MMD2: variants seen among roughly 807,000 people sequenced by gnomAD.
The protein encoded by MMD2 is monocyte to macrophage differentiation factor 2.
A neutral mutation model predicts 33.5 loss-of-function variants in MMD2; 30 were observed. The observed-to-expected ratio is 0.90, with a 90% CI of 0.67 to 1.22. MMD2 has a LOEUF of 1.22. Ranked by LOEUF, MMD2 falls within the 50% of genes most tolerant of loss-of-function variation. The pLI, the probability that MMD2 is intolerant of heterozygous loss-of-function variation, is 0.00. For missense variants in MMD2, 364 were observed against 325.4 expected (o/e 1.12, Z -0.91); for synonymous variants, 129 against 123.0 (o/e 1.05, Z -0.32).
intron 1 of MMD2, among the ~76,000 whole-genome samples, chr7:4,953,683 C>T (rs1301891267): frequency 6.6e-6 from 1 of 151,894 alleles, no homozygotes; most frequent in Non-Finnish European, 1.5e-5. Flanking sequence ...GTTGGTCAGG[C>T]TGGTCTCGAA....
intron 2 of MMD2, among the ~76,000 whole-genome samples, chr7:4,920,625 CT>C (rs1176849554): frequency 6.9e-4 from 102 of 147,086 alleles, no homozygotes; most frequent in Middle Eastern, 3.6e-3. Flanking sequence ...CTTTCCTTTC[CT>C]TTTTTTCTTT....
At chr7:4,897,886 C>T in the MMD2 span, among the ~76,000 whole-genome samples, 1 of 152,020 alleles carries the variant, frequency 6.6e-6, no homozygotes, top group Non-Finnish European at 1.5e-5. Context: ...TACAGGTGCC[C>T]ACCACCATGC....
intron 4 of MMD2, 62 bp from the exon 5 acceptor site, chr7:4,911,308 A>G: frequency 7.3e-7 from 1 of 1,367,498 alleles, no homozygotes; most frequent in Non-Finnish European, 1.0e-6. Context: ...CCGGCCCTCG[A>G]GGACCGGCCT....
chr7:4,897,799 G>T, the MMD2 span, among the ~76,000 whole-genome samples: 1 of 152,102 alleles, frequency 6.6e-6, no homozygotes, highest in Non-Finnish European at 1.5e-5. Flanking sequence ...GTACAATGGT[G>T]TGATCTCGGC....
rs967114558 is a variant in MMD2, at chr7:4,958,883, G to A, written c.47+88C>T. The A allele has an allele frequency of 7.5e-5, 87 of 1,154,606 alleles. 1 individual carries two copies. Among genetic ancestry groups the A allele is most frequent in the Non-Finnish European group, 8.6e-5 (78 of 901,892 alleles). 71.5% of individuals were successfully genotyped at this position (1,154,606 alleles called of 1,614,324 possible). A position where few individuals can be genotyped will look rare whatever the true frequency, so the allele number is the denominator to read the frequency against. ...GATCCCCTCTAGCGCTCCGGGCGGC[G>A]GGGCCCGAGAACCAAGGTGGCCTCC... On this transcript the variant is annotated intron_variant, in intron 1 of 6. Coordinates refer to ENST00000401401, the MANE Select transcript of MMD2 (RefSeq NM_198403.4).
At chr7:4,945,197 C>CTTCTTCTTCTTCTTCTTCTT (rs1327859228) in intron 1 of MMD2, among the ~76,000 whole-genome samples, 4 of 134,978 alleles carry the variant, frequency 3.0e-5, no homozygotes, top group Non-Finnish European at 6.3e-5. Flanking sequence ...TCTTCTTCTT[C>CTTCTTCTTCTTCTTCTTCTT]TTCTTCTTCT....
rs765406712 is a variant in MMD2 at position 4,907,509 on chromosome 7, A to G, written c.628T>C (p.Phe210Leu). 6.2e-7 allele frequency: 1 copy of G among 1,613,926 alleles called. No individual in the cohort carries two copies. Among genetic ancestry groups the G allele is most frequent in the Admixed American group, 1.7e-5 (1 of 60,028 alleles). The change falls in exon 7 of 7, where the codon TTT becomes CTT. Residue 210 changes from phenylalanine (F) to leucine (L), a missense_variant. Transcript: ENST00000401401. ...VFFKSDGRIP[F>L]AHAIWHLFVA... is the part of the protein sequence containing the mutation. Reference sequence around the variant, plus strand: ...AAGAGATGCCAGATGGCGTGGGCAAAGGGGATCCTCCCGTCACTCTTGAAG... The same window carrying G: ...AAGAGATGCCAGATGGCGTGGGCAAGGGGGATCCTCCCGTCACTCTTGAAG...
chr7:4,930,466 C>G (rs1562486308), intron 1 of MMD2, among the ~76,000 whole-genome samples: 1 of 151,282 alleles, frequency 6.6e-6, no homozygotes, highest in Non-Finnish European at 1.5e-5. Flanking sequence ...ACGGCAATAC[C>G]CCATCTCTAC....
At chr7:4,926,655 G>T (rs1285749135) in intron 1 of MMD2, among the ~76,000 whole-genome samples, 1 of 152,124 alleles carries the variant, frequency 6.6e-6, no homozygotes, top group Non-Finnish European at 1.5e-5. Context: ...CGCAGAACAC[G>T]CTGTTTTCTG....
the MMD2 span, among the ~76,000 whole-genome samples, chr7:4,892,267 T>G: frequency 1.3e-5 from 2 of 152,186 alleles, no homozygotes; most frequent in Admixed American, 1.3e-4. Context: ...AAACAATTTT[T>G]ATTTGTGAAT....
intron 1 of MMD2, 138 bp downstream of exon 1, chr7:4,958,833 C>T (rs891074565): frequency 3.6e-5 from 27 of 744,216 alleles, no homozygotes; most frequent in Non-Finnish European, 4.3e-5. Context: ...TCCTGGTTTT[C>T]TCGGGCGGGG....
At position 4,947,764 on chromosome 7, in the gene MMD2, A is replaced by G. The variant is rs185658937; in HGVS notation, c.47+11207T>C. On this transcript the variant is annotated intron_variant, in intron 1 of 6. Coordinates refer to ENST00000401401, the MANE Select transcript of MMD2 (RefSeq NM_198403.4). ...GCCCAGGCTGGAGCACAGTGGTGCG[A>G]TATCAGCTCACTGCAAACTCCACCT... is the stretch of plus-strand genomic sequence containing the variant. Among the ~76,000 whole-genome samples the G allele has an allele frequency of 5.3e-5, 7 of 131,356 alleles. No individual in the cohort carries two copies. The East Asian group carries it at 1.6e-3, about 29-fold the overall frequency. 86.2% of individuals were successfully genotyped at this position (131,356 alleles called of 152,430 possible).
chr7:4,935,785 T>C (rs1785725089), intron 1 of MMD2, among the ~76,000 whole-genome samples: 1 of 152,094 alleles, frequency 6.6e-6, no homozygotes, highest in Non-Finnish European at 1.5e-5. Flanking sequence ...CTTTGGACCC[T>C]GTACTTGAAT....
the MMD2 span, among the ~76,000 whole-genome samples, chr7:4,897,061 T>A: frequency 2.0e-5 from 3 of 151,884 alleles, no homozygotes; most frequent in African/African-American, 7.3e-5. Flanking sequence ...GGTTTCGCCA[T>A]GTTGACTGAG....
At chr7:4,934,670 G>C (rs1000709864) in intron 1 of MMD2, among the ~76,000 whole-genome samples, 1 of 152,202 alleles carries the variant, frequency 6.6e-6, no homozygotes, top group Non-Finnish European at 1.5e-5. Flanking sequence ...ACTGAGCCAG[G>C]ACCCAGAGCC....
intron 3 of MMD2, among the ~76,000 whole-genome samples, chr7:4,918,383 T>C (rs192463277): frequency 6.3e-4 from 96 of 152,224 alleles, no homozygotes; most frequent in Non-Finnish European, 8.8e-4. Flanking sequence ...GGCATATAGC[T>C]TTATGGGGGG....
At chr7:4,926,492 A>T (rs914501579) in intron 1 of MMD2, among the ~76,000 whole-genome samples, 9 of 152,078 alleles carry the variant, frequency 5.9e-5, no homozygotes, top group Admixed American at 5.3e-4. Flanking sequence ...AGACCCACTA[A>T]ACCACCATCC....
chr7:4,906,423 A>T lies in MMD2; in HGVS notation c.*973T>A. 2.5e-6 allele frequency: 1 copy of T among 398,626 alleles called. No individual in the cohort carries two copies. The highest frequency in any genetic ancestry group is 4.4e-6 in the Non-Finnish European group (1 of 226,072). The allele number at this position is 398,626 out of a possible 1,614,324, so 24.7% of individuals were successfully genotyped here. ...CTCTAACAGCCACTGATTGGCACCA[A>T]GAGAGAATCCAAATGTTGGCATCAC... On this transcript the variant is annotated 3_prime_UTR_variant, in exon 7 of 7. Transcript: ENST00000401401.
intron 1 of MMD2, among the ~76,000 whole-genome samples, chr7:4,950,107 T>TG (rs1786200783): frequency 6.7e-6 from 1 of 149,382 alleles, no homozygotes; most frequent in Admixed American, 6.7e-5. Context: ...GTGTGTGTGT[T>TG]GTGTGTGTGA....
Sources: allele counts gnomAD v4.1 joint callset (sites outside exome capture counted in the v4.1 genomes callset), GRCh38; gene constraint gnomAD v4.1.1; transcripts MANE v1.5; gene names NCBI Gene and HGNC (gene_info 2026-07-23, HGNC 2026-07-21).